The following RNF216 variants were observed in gnomAD, a reference collection of about 807,000 sequenced individuals.
The protein encoded by RNF216 is ring finger protein 216, also known as E3 ubiquitin-protein ligase RNF216.
Under a neutral mutation model 110.8 loss-of-function variants are expected in RNF216, and 72 were observed. The observed-to-expected ratio is 0.65, with a 90% CI of 0.54 to 0.79. The LOEUF is 0.79. Ranked by LOEUF, RNF216 falls within the 30% of genes least tolerant of loss-of-function variation. The pLI is 0.00. For synonymous variants in RNF216, 495 were observed against 407.5 expected, an observed-to-expected ratio of 1.21 and a Z score of -2.59; for missense variants, 1,342 against 1,141.2, an observed-to-expected ratio of 1.18 and a Z score of -2.54.
intron 5 of RNF216, among the ~76,000 whole-genome samples, chr7:5,736,927 C>G (rs1392740298): frequency 2.0e-5 from 3 of 151,328 alleles, no homozygotes; most frequent in African/African-American, 7.3e-5. Context: ...CGCCCGGCAG[C>G]CGCCCCGTCC....
chr7:5,631,546 T>C (rs1787071458), intron 15 of RNF216, among the ~76,000 whole-genome samples: 1 of 152,208 alleles, frequency 6.6e-6, no homozygotes, highest in South Asian at 2.1e-4. Flanking sequence ...CAAGATTTCC[T>C]TGCCTGACAT....
rs144140933 is a variant in RNF216, at chr7:5,646,767, T to G, written c.2160-5391A>C. 9.4e-4 allele frequency among the ~76,000 whole-genome samples: 143 copies of G among 152,156 alleles called. 2 individuals carry two copies. In the East Asian group the frequency reaches 0.024, roughly 26 times the overall value. ...GTGGTCACTGAAGTCTCTGTTGTAT[T>G]AGCTTAGTGGTCAATGCCAGGAAAA... On this transcript the variant is annotated intron_variant, in intron 14 of 16. Coordinates refer to ENST00000389902, the MANE Select transcript of RNF216 (RefSeq NM_207111.4).
At chr7:5,704,460 C>A (rs1231146516) in intron 13 of RNF216, among the ~76,000 whole-genome samples, 5 of 152,190 alleles carry the variant, frequency 3.3e-5, no homozygotes, top group Admixed American at 6.5e-5. Flanking sequence ...ATTTGCACAA[C>A]TGAGAAAGGT....
Position 5,778,888 on chromosome 7 carries a change from C to T in RNF216, c.-70+2653G>A, listed in dbSNP as rs570552338. Among the ~76,000 whole-genome samples the T allele has an allele frequency of 7.2e-5, 11 of 152,318 alleles. No homozygotes were observed. In the South Asian group the frequency reaches 8.3e-4, roughly 11 times the overall value. On this transcript the variant is annotated intron_variant, in intron 1 of 16. Transcript: ENST00000389902. ...CCTCCCCAGTAGCTGGGATTACAGG[C>T]GCACGCCATCACACCTGGCTAATTT...
chr7:5,770,397 G>A (rs1796434944), intron 1 of RNF216, among the ~76,000 whole-genome samples: 1 of 151,622 alleles, frequency 6.6e-6, no homozygotes, highest in African/African-American at 2.4e-5. Flanking sequence ...GGAGGCGGAG[G>A]TTGTGGTGAG....
chr7:5,738,931 A>C (rs1300628282), intron 5 of RNF216, among the ~76,000 whole-genome samples: 1 of 152,204 alleles, frequency 6.6e-6, no homozygotes, highest in Non-Finnish European at 1.5e-5. Context: ...CAGAACGAAC[A>C]AGGTCATTAA....
chr7:5,736,362 T>G (rs1196059128), intron 5 of RNF216, among the ~76,000 whole-genome samples: 4 of 152,198 alleles, frequency 2.6e-5, no homozygotes, highest in Non-Finnish European at 5.9e-5. Flanking sequence ...CCGGGACTGA[T>G]CTGCCAGCCT....
intron 13 of RNF216, among the ~76,000 whole-genome samples, chr7:5,677,769 T>C (rs1384726340): frequency 1.3e-5 from 2 of 152,202 alleles, no homozygotes; most frequent in East Asian, 3.9e-4. Context: ...GGAATCAGAG[T>C]CTGCCCAAGG....
intron 13 of RNF216, among the ~76,000 whole-genome samples, chr7:5,705,960 A>G (rs1296141402): frequency 1.6e-5 from 2 of 122,710 alleles, no homozygotes; most frequent in African/African-American, 6.4e-5. Flanking sequence ...AACAAAACAA[A>G]ACAAAACACC....
intron 2 of RNF216, among the ~76,000 whole-genome samples, chr7:5,754,589 T>C (rs11771172): frequency 0.26 from 38,899 of 152,036 alleles, 6,322 homozygotes; most frequent in Non-Finnish European, 0.36. Flanking sequence ...CATTGGTACA[T>C]GAGGCACAGG....
At chr7:5,630,437 G>A (rs1786999355) in intron 15 of RNF216, among the ~76,000 whole-genome samples, 1 of 152,006 alleles carries the variant, frequency 6.6e-6, no homozygotes, top group South Asian at 2.1e-4. Flanking sequence ...GAGTAAAATG[G>A]CGTGATTATA....
intron 5 of RNF216, 29 bp downstream of exon 5, chr7:5,739,240 ACCACCAC>A: frequency 2.6e-6 from 4 of 1,510,014 alleles, no homozygotes; most frequent in Non-Finnish European, 3.5e-6. Context: ...TACCACCACC[ACCACCAC>A]CACAAAAAAA....
intron 5 of RNF216, among the ~76,000 whole-genome samples, chr7:5,735,346 T>C (rs996520885): frequency 5.3e-5 from 8 of 151,988 alleles, no homozygotes; most frequent in Non-Finnish European, 1.0e-4. Flanking sequence ...CTAGGCACCA[T>C]GGGAGCCAGC....
rs138532657 is a variant in RNF216, at chr7:5,741,701, C to G, written c.316G>C (p.Asp106His). 6.2e-7 allele frequency: 1 copy of G among 1,614,224 alleles called. No homozygotes were observed. The highest frequency in any genetic ancestry group is 1.1e-5 in the South Asian group (1 of 91,088). ...PKKSRAAFES[D>H]KSSYFSVCNN... Reference sequence around the variant, plus strand: ...CACACTGAAAAATAGCTGCTCTTATCTGATTCAAATGCTGCTCTAGACTTT... The same window carrying G: ...CACACTGAAAAATAGCTGCTCTTATGTGATTCAAATGCTGCTCTAGACTTT... Residue 106 changes from aspartate (D) to histidine (H), a missense_variant, in exon 4 of 17, where the codon GAT becomes CAT. Physicochemically the swap from Asp to His is moderately conservative, Grantham distance 81. Transcript: ENST00000389902.
intron 13 of RNF216, among the ~76,000 whole-genome samples, chr7:5,670,304 CCT>C (rs1219916540): frequency 6.6e-6 from 1 of 152,054 alleles, no homozygotes; most frequent in Non-Finnish European, 1.5e-5. Context: ...GCACTGCTCC[CCT>C]GAGATGACAC....
intron 13 of RNF216, among the ~76,000 whole-genome samples, chr7:5,654,262 T>C (rs941823721): frequency 8.8e-5 from 13 of 148,446 alleles, no homozygotes; most frequent in African/African-American, 3.0e-4. Context: ...CCTGGCCCTT[T>C]TGTACATTCT....
At position 5,736,382 on chromosome 7, in the gene RNF216, G is replaced by A. The variant is rs1280113569; in HGVS notation, c.1121+2894C>T. Among the ~76,000 whole-genome samples the A allele has an allele frequency of 3.9e-5, 6 of 152,106 alleles. No homozygotes were observed. The South Asian group carries it at 6.2e-4, about 16-fold the overall frequency. On this transcript the variant is annotated intron_variant, in intron 5 of 16. Coordinates refer to ENST00000389902, the MANE Select transcript of RNF216 (RefSeq NM_207111.4). The stretch of plus-strand genomic sequence containing the variant: ...ACTGATCTGCCAGCCTCGGCCTCCC[G>A]AGGTGCCGGGATTGCAGATGGAGTC...
chr7:5,694,730 T>C (rs984716006), intron 13 of RNF216, among the ~76,000 whole-genome samples: 5 of 152,214 alleles, frequency 3.3e-5, no homozygotes, highest in African/African-American at 1.2e-4. Flanking sequence ...ACATTCTCTG[T>C]AGCTGCGTAG....
chr7:5,665,390 T>C (rs1006528181), intron 13 of RNF216, among the ~76,000 whole-genome samples: 2 of 152,186 alleles, frequency 1.3e-5, no homozygotes, highest in African/African-American at 2.4e-5. Context: ...TAAATATTTT[T>C]TGTTTTCATA....
Sources: allele counts gnomAD v4.1 joint callset (sites outside exome capture counted in the v4.1 genomes callset), GRCh38; gene constraint gnomAD v4.1.1; transcripts MANE v1.5; gene names NCBI Gene and HGNC (gene_info 2026-07-23, HGNC 2026-07-21).